The following GPC5 variants were observed in gnomAD, a reference collection of about 807,000 sequenced individuals.
The protein encoded by GPC5 is glypican-5.
Under a neutral mutation model 53.9 loss-of-function variants are expected in GPC5, and 47 were observed. That is an observed-to-expected ratio of 0.87 (90% CI 0.69 to 1.11). The LOEUF (loss-of-function observed/expected upper bound fraction) is 1.11, where lower values mean the gene tolerates loss of function less well. Among genes scored for constraint, GPC5 ranks in the 50% most tolerant of loss-of-function variants. GPC5 has a pLI of 0.00. For synonymous variants in GPC5, 286 were observed against 263.3 expected (o/e 1.09, Z -0.84); for missense variants, 748 against 713.1 (o/e 1.05, Z -0.56).
intron 7 of GPC5, among the ~76,000 whole-genome samples, chr13:92,400,363 C>G (rs1279459239): frequency 6.6e-6 from 1 of 152,170 alleles, no homozygotes; most frequent in East Asian, 1.9e-4. Context: ...AGGGGAAGAT[C>G]TCATCTATAT....
intron 7 of GPC5, among the ~76,000 whole-genome samples, chr13:92,385,824 T>TATATAC (rs1874689871): frequency 6.8e-6 from 1 of 147,538 alleles, no homozygotes. Context: ...CACGTGTATA[T>TATATAC]ATATATATTT....
intron 6 of GPC5, among the ~76,000 whole-genome samples, chr13:91,981,476 A>G (rs2040358499): frequency 6.6e-6 from 1 of 152,188 alleles, no homozygotes; most frequent in Non-Finnish European, 1.5e-5. Context: ...TTTTTAGTAC[A>G]GACTGGGTTT....
intron 7 of GPC5, among the ~76,000 whole-genome samples, chr13:92,421,759 G>A (rs1394830296): frequency 6.6e-6 from 1 of 151,524 alleles, no homozygotes; most frequent in Non-Finnish European, 1.5e-5. Context: ...GCATGGCTGG[G>A]GAAGCCTCAG....
At chr13:92,350,950 A>G (rs1418912725) in intron 7 of GPC5, among the ~76,000 whole-genome samples, 1 of 152,068 alleles carries the variant, frequency 6.6e-6, no homozygotes, top group Non-Finnish European at 1.5e-5. Context: ...TAATAACTTG[A>G]AAGTTTTGAT....
intron 2 of GPC5, among the ~76,000 whole-genome samples, chr13:91,661,537 T>C (rs114833076): frequency 2.0e-5 from 3 of 152,154 alleles, no homozygotes; most frequent in African/African-American, 7.2e-5. Context: ...AAGTCATTTA[T>C]GCAATGCATT....
At chr13:91,825,457 A>G (rs2038562458) in intron 5 of GPC5, among the ~76,000 whole-genome samples, 1 of 152,144 alleles carries the variant, frequency 6.6e-6, no homozygotes, top group Non-Finnish European at 1.5e-5. Context: ...TAGATTGAAA[A>G]TATTTGAATC....
At position 91,550,575 on chromosome 13, in the gene GPC5, T is replaced by C. The variant is rs572738309; in HGVS notation, c.325+101653T>C. 9.2e-5 allele frequency among the ~76,000 whole-genome samples: 14 copies of C among 152,274 alleles called. No individual in the cohort carries two copies. In the East Asian group the frequency reaches 2.7e-3, roughly 29 times the overall value. On this transcript the variant is annotated intron_variant, in intron 2 of 7. Coordinates refer to ENST00000377067, the MANE Select transcript of GPC5 (RefSeq NM_004466.6). The stretch of plus-strand genomic sequence containing the variant: ...ACATTTACTCATTAATTGTTGATGT[T>C]CTTGTGGATAGGAAGTAGAGTGAAA...
At chr13:92,740,222 G>A (rs1415280666) in intron 7 of GPC5, among the ~76,000 whole-genome samples, 3 of 151,802 alleles carry the variant, frequency 2.0e-5, no homozygotes, top group African/African-American at 4.8e-5. Context: ...TAGGTTTCTG[G>A]ATCAAATATC....
chr13:92,548,601 T>C lies in GPC5; in HGVS notation c.1562-317681T>C, dbSNP rs183314311. ...ATTTAGAAATAGTATGAGTAAAATG[T>C]GTTGTGTACTAAGCCAAATATATAC... On this transcript the variant is annotated intron_variant, in intron 7 of 7. Coordinates refer to ENST00000377067, the MANE Select transcript of GPC5 (RefSeq NM_004466.6). Among the ~76,000 whole-genome samples, 711 of 152,162 alleles carry C rather than the reference T, an allele frequency of 4.7e-3. 12 individuals carry two copies. Among genetic ancestry groups the C allele is most frequent in the African/African-American group, 0.017 (692 of 41,550 alleles).
chr13:92,422,810 G>T (rs1876638293), intron 7 of GPC5, among the ~76,000 whole-genome samples: 1 of 152,096 alleles, frequency 6.6e-6, no homozygotes, highest in Admixed American at 6.6e-5. Flanking sequence ...CAAGCTATTT[G>T]ATTACTTTAA....
intron 7 of GPC5, among the ~76,000 whole-genome samples, chr13:92,200,925 T>A (rs552630051): frequency 1.8e-4 from 28 of 151,806 alleles, no homozygotes; most frequent in African/African-American, 6.3e-4. Context: ...TTTCCCAGAA[T>A]AAATTGGAGG....
intron 2 of GPC5, among the ~76,000 whole-genome samples, chr13:91,648,741 CCATTGATTTTCT>C (rs1200149847): frequency 6.6e-6 from 1 of 152,100 alleles, no homozygotes; most frequent in Admixed American, 6.6e-5. Context: ...TATATTACCA[CCATTGATTTTCT>C]CATAAATTTA....
At chr13:92,296,641 C>G (rs1326179362) in intron 7 of GPC5, among the ~76,000 whole-genome samples, 1 of 152,304 alleles carries the variant, frequency 6.6e-6, no homozygotes, top group Non-Finnish European at 1.5e-5. Context: ...AGCCCACTCC[C>G]TCAGCTTGCA....
At chr13:91,890,854 ATTG>A (rs2039377221) in intron 5 of GPC5, among the ~76,000 whole-genome samples, 1 of 152,196 alleles carries the variant, frequency 6.6e-6, no homozygotes, top group Non-Finnish European at 1.5e-5. Context: ...TAGAAGTCTC[ATTG>A]TGATTTGGAG....
At chr13:92,029,924 G>A (rs1407791305) in intron 6 of GPC5, among the ~76,000 whole-genome samples, 1 of 152,078 alleles carries the variant, frequency 6.6e-6, no homozygotes, top group Non-Finnish European at 1.5e-5. Context: ...AATTAACCAT[G>A]AATCCGTTCC....
At chr13:92,805,648 T>C (rs1040213847) in intron 7 of GPC5, among the ~76,000 whole-genome samples, 5 of 151,840 alleles carry the variant, frequency 3.3e-5, no homozygotes, top group Admixed American at 1.3e-4. Context: ...TTGTTTCCTA[T>C]GTTGCTCTCA....
intron 7 of GPC5, among the ~76,000 whole-genome samples, chr13:92,169,590 CTT>C (rs1216659455): frequency 7.9e-5 from 12 of 152,112 alleles, no homozygotes; most frequent in South Asian, 2.1e-4. Flanking sequence ...ATAAAATAAA[CTT>C]TGAATTTCTT....
intron 5 of GPC5, among the ~76,000 whole-genome samples, chr13:91,906,812 C>T (rs1411985228): frequency 1.3e-5 from 2 of 151,784 alleles, no homozygotes; most frequent in African/African-American, 4.8e-5. Flanking sequence ...TGAAATGACC[C>T]TTTTACATAC....
intron 7 of GPC5, among the ~76,000 whole-genome samples, chr13:92,678,277 G>A (rs1887010811): frequency 6.6e-6 from 1 of 152,288 alleles, no homozygotes; most frequent in South Asian, 2.1e-4. Flanking sequence ...ACAGTTTTAT[G>A]CCTAATTATG....
Sources: allele counts gnomAD v4.1 joint callset (sites outside exome capture counted in the v4.1 genomes callset), GRCh38; gene constraint gnomAD v4.1.1; transcripts MANE v1.5; gene names NCBI Gene and HGNC (gene_info 2026-07-23, HGNC 2026-07-21).